Variants in TMEM117 observed in about 807,000 individuals in gnomAD.
The protein encoded by TMEM117 is transmembrane protein 117.
A neutral mutation model predicts 52.4 loss-of-function variants in TMEM117; 27 were observed. That is an observed-to-expected ratio of 0.51 (90% CI 0.38 to 0.71). TMEM117 has a LOEUF of 0.71. Among genes scored for constraint, TMEM117 ranks in the 30% least tolerant of loss-of-function variants. TMEM117 has a pLI of 0.00. For missense variants in TMEM117, 556 were observed against 630.5 expected (o/e 0.88, Z 1.26); for synonymous variants, 215 against 206.3 (o/e 1.04, Z -0.36).
chr12:44,337,622 C>G (rs1046755046), intron 6 of TMEM117, among the ~76,000 whole-genome samples: 18 of 151,932 alleles, frequency 1.2e-4, no homozygotes, highest in African/African-American at 3.9e-4. Context: ...TTGCAAAGGA[C>G]TAAGTCATAC....
intron 2 of TMEM117, among the ~76,000 whole-genome samples, chr12:43,869,576 C>T (rs1592321208): frequency 6.6e-6 from 1 of 152,308 alleles, no homozygotes; most frequent in East Asian, 1.9e-4. Context: ...AGCAATCAGT[C>T]AGTGGCTTAC....
chr12:43,842,601 A>G (rs781153417), intron 1 of TMEM117, among the ~76,000 whole-genome samples: 1 of 152,142 alleles, frequency 6.6e-6, no homozygotes, highest in South Asian at 2.1e-4. Flanking sequence ...CAGATCTTCC[A>G]TTGACTTACT....
In TMEM117 at chr12:44,388,204, G is replaced by A; in HGVS notation, c.1077G>A (p.Trp359Ter). ...ATTTGAACAGAACCAAGCTATCCTG[G>A]GAATGGAGGTCCAATCACACTAACC... ...LKDLNRTKLS[W>*]EWRSNHTNPR... Residue 359 changes from tryptophan (W) to a stop codon, truncating the protein, a stop_gained, in exon 8 of 8, where the codon TGG becomes TGA. Coordinates refer to ENST00000266534, the MANE Select transcript of TMEM117 (RefSeq NM_032256.3). LOFTEE classifies it high-confidence loss of function. 3 of 1,613,406 alleles carry A rather than the reference G, an allele frequency of 1.9e-6. No individual in the cohort carries two copies. Among genetic ancestry groups the A allele is most frequent in the Non-Finnish European group, 2.5e-6 (3 of 1,179,610 alleles).
rs1407564265 is a variant in TMEM117, at chr12:44,349,811, C to T, written c.769-26784C>T. On this transcript the variant is annotated intron_variant, in intron 6 of 7. Transcript: ENST00000266534. Reference sequence around the variant, plus strand: ...TTACGCATTTGCTATGTTCCAAACACTGTACCATGTACTAGAAACATAAAA... The same window carrying T: ...TTACGCATTTGCTATGTTCCAAACATTGTACCATGTACTAGAAACATAAAA... Among the ~76,000 whole-genome samples the T allele has an allele frequency of 5.3e-5, 8 of 152,166 alleles. No individual in the cohort carries two copies. The East Asian group carries it at 1.5e-3, about 29-fold the overall frequency.
At chr12:44,125,762 C>G (rs746659457) in intron 3 of TMEM117, among the ~76,000 whole-genome samples, 1 of 151,804 alleles carries the variant, frequency 6.6e-6, no homozygotes, top group Non-Finnish European at 1.5e-5. Flanking sequence ...GGTTGCTTTG[C>G]GGTTGTTTGC....
At chr12:44,124,622 A>C (rs575807290) in intron 3 of TMEM117, among the ~76,000 whole-genome samples, 1 of 152,138 alleles carries the variant, frequency 6.6e-6, no homozygotes, top group Non-Finnish European at 1.5e-5. Context: ...AGAAATGTTG[A>C]ATTTTATTAA....
intron 4 of TMEM117, among the ~76,000 whole-genome samples, chr12:44,147,392 A>G (rs1400758468): frequency 6.6e-6 from 1 of 152,146 alleles, no homozygotes; most frequent in African/African-American, 2.4e-5. Context: ...CTAAGGTGGC[A>G]GGGGATTCCA....
chr12:44,309,452 G>A (rs1461669787), intron 6 of TMEM117, among the ~76,000 whole-genome samples: 1 of 150,818 alleles, frequency 6.6e-6, no homozygotes, highest in Non-Finnish European at 1.5e-5. Flanking sequence ...CCAGTAACAG[G>A]AGACCATATG....
At chr12:44,214,138 ATTTTTTTTTTTTTTTT>A (rs773352634) in intron 5 of TMEM117, among the ~76,000 whole-genome samples, 3 of 99,220 alleles carry the variant, frequency 3.0e-5, no homozygotes, top group African/African-American at 9.6e-5. Flanking sequence ...TTTTTTTTTA[ATTTTTTTTTTTTTTTT>A]TTTTTTTTTT....
intron 3 of TMEM117, among the ~76,000 whole-genome samples, chr12:44,121,420 C>G (rs904800228): frequency 2.6e-5 from 4 of 152,200 alleles, no homozygotes; most frequent in Non-Finnish European, 5.9e-5. Flanking sequence ...AACCCCTCCT[C>G]TTATTCCTCC....
intron 3 of TMEM117, among the ~76,000 whole-genome samples, chr12:43,988,661 A>G (rs866932603): frequency 1.3e-4 from 20 of 152,068 alleles, no homozygotes; most frequent in African/African-American, 4.6e-4. Flanking sequence ...GGTACAATGT[A>G]TATTATTTGG....
chr12:43,949,525 A>G (rs1945187182), intron 3 of TMEM117, among the ~76,000 whole-genome samples: 1 of 152,150 alleles, frequency 6.6e-6, no homozygotes, highest in Non-Finnish European at 1.5e-5. Flanking sequence ...AAACTCCGCC[A>G]TTTTGTCAGT....
At chr12:43,937,315 AG>A (rs1944967455) in intron 2 of TMEM117, among the ~76,000 whole-genome samples, 1 of 152,210 alleles carries the variant, frequency 6.6e-6, no homozygotes. Context: ...AGAATTGACA[AG>A]GATAGGGAAA....
At chr12:44,343,253 G>A (rs1592706492) in intron 6 of TMEM117, among the ~76,000 whole-genome samples, 2 of 151,714 alleles carry the variant, frequency 1.3e-5, no homozygotes, top group African/African-American at 2.4e-5. Flanking sequence ...ACACCCGGCC[G>A]GAAAAGAGAC....
At chr12:43,942,549 A>T (rs1592380778) in intron 2 of TMEM117, among the ~76,000 whole-genome samples, 2 of 151,814 alleles carry the variant, frequency 1.3e-5, no homozygotes, top group African/African-American at 4.8e-5. Context: ...CCTGACTTTC[A>T]GTTTTAACCT....
At chr12:44,215,255 C>G (rs765644469) in intron 5 of TMEM117, among the ~76,000 whole-genome samples, 2 of 152,158 alleles carry the variant, frequency 1.3e-5, no homozygotes, top group Non-Finnish European at 2.9e-5. Context: ...CTCACAAACA[C>G]CTGTCAGAAA....
chr12:43,808,690 A>C, the TMEM117 span, among the ~76,000 whole-genome samples: 1 of 151,876 alleles, frequency 6.6e-6, no homozygotes, highest in Admixed American at 6.6e-5. Context: ...TGACACCTGT[A>C]GTCCCAGCTC....
At chr12:44,012,956 G>C (rs1325881648) in intron 3 of TMEM117, among the ~76,000 whole-genome samples, 1 of 152,052 alleles carries the variant, frequency 6.6e-6, no homozygotes, top group East Asian at 1.9e-4. Flanking sequence ...GTAGGGTGTG[G>C]GGGGAGGGGA....
chr12:43,848,093 C>T (rs1272293838), intron 2 of TMEM117, among the ~76,000 whole-genome samples: 2 of 151,892 alleles, frequency 1.3e-5, no homozygotes, highest in African/African-American at 4.8e-5. Context: ...TGATAAGGGT[C>T]TAACAAAGGT....
Sources: allele counts gnomAD v4.1 joint callset (sites outside exome capture counted in the v4.1 genomes callset), GRCh38; gene constraint gnomAD v4.1.1; transcripts MANE v1.5; gene names NCBI Gene and HGNC (gene_info 2026-07-23, HGNC 2026-07-21).